Variants in LRTM3 observed in about 807,000 individuals in gnomAD.
LRTM3 encodes the protein leucine-rich repeat transmembrane protein 3.
the LRTM3 span, chr13:102,735,250 C>G: frequency 1.9e-6 from 3 of 1,551,130 alleles, no homozygotes; most frequent in Non-Finnish European, 8.7e-7. Context: ...TGGTCATATC[C>G]GCAACTTTTT....
the LRTM3 span, chr13:102,738,699 A>T: frequency 6.4e-7 from 1 of 1,550,692 alleles, no homozygotes; most frequent in Non-Finnish European, 8.7e-7. Flanking sequence ...TGTGAAAAAG[A>T]GGATCTCATT....
chr13:102,735,537 C>T, the LRTM3 span: 1 of 1,550,638 alleles, frequency 6.4e-7, no homozygotes, highest in African/African-American at 1.4e-5. Context: ...CTCTTTTGTT[C>T]TTTACTTTTC....
chr13:102,729,878 C>G, the LRTM3 span: 1 of 1,551,962 alleles, frequency 6.4e-7, no homozygotes, highest in Non-Finnish European at 8.7e-7. Flanking sequence ...TCTTTCTTGG[C>G]TTTCTGGGTG....
chr13:102,756,691 A>C, the LRTM3 span, among the ~76,000 whole-genome samples: 5 of 103,326 alleles, frequency 4.8e-5, no homozygotes, highest in East Asian at 1.1e-3. Context: ...AAAAAAAAAA[A>C]AAAACAAAAA....
At chr13:102,755,955 ATATATAT>A in the LRTM3 span, among the ~76,000 whole-genome samples, 2 of 102,000 alleles carry the variant, frequency 2.0e-5, no homozygotes, top group African/African-American at 9.1e-5. Flanking sequence ...ATATATATAT[ATATATAT>A]TTTTTTTTTT....
the LRTM3 span, chr13:102,738,701 G>A: frequency 7.7e-6 from 12 of 1,550,550 alleles, no homozygotes; most frequent in African/African-American, 1.4e-5. Context: ...TGAAAAAGAG[G>A]ATCTCATTTT....
At chr13:102,735,856 AG>A in the LRTM3 span, 1 of 1,541,772 alleles carries the variant, frequency 6.5e-7, no homozygotes, top group South Asian at 1.2e-5. Context: ...ATGGAGGAGG[AG>A]GGAATGAAGC....
the LRTM3 span, chr13:102,737,853 A>G: frequency 1.9e-6 from 3 of 1,550,574 alleles, no homozygotes; most frequent in Admixed American, 2.0e-5. Flanking sequence ...CTTGTGTCCA[A>G]TATATAATGG....
the LRTM3 span, chr13:102,747,831 G>A: frequency 6.4e-7 from 1 of 1,551,240 alleles, no homozygotes; most frequent in Non-Finnish European, 8.7e-7. Context: ...TGGACTTCTT[G>A]CTCTTTATTT....
the LRTM3 span, chr13:102,744,037 CATT>C: frequency 5.8e-6 from 9 of 1,550,450 alleles, no homozygotes; most frequent in South Asian, 9.5e-5. Flanking sequence ...GTTTATCAAT[CATT>C]GATTTGGATG....
chr13:102,737,206 G>A, the LRTM3 span: 57 of 1,550,742 alleles, frequency 3.7e-5, no homozygotes, highest in Non-Finnish European at 4.5e-5. Context: ...TCTGTGGCTT[G>A]TATTCTTGTA....
At chr13:102,731,023 C>T in the LRTM3 span, 1 of 1,551,426 alleles carries the variant, frequency 6.4e-7, no homozygotes, top group Non-Finnish European at 8.7e-7. Context: ...TTTGTATCTC[C>T]AATGTTTTCA....
chr13:102,737,236 G>A, the LRTM3 span: 32 of 1,550,850 alleles, frequency 2.1e-5, no homozygotes, highest in Non-Finnish European at 2.4e-5. Flanking sequence ...CATCATTTGA[G>A]CTATCCACCC....
At chr13:102,733,802 A>T in the LRTM3 span, 1 of 1,551,404 alleles carries the variant, frequency 6.4e-7, no homozygotes, top group Non-Finnish European at 8.7e-7. Context: ...CTGGACGCTG[A>T]TCATGAAGTT....
At chr13:102,735,049 A>T in the LRTM3 span, 1 of 1,551,244 alleles carries the variant, frequency 6.4e-7, no homozygotes, top group Non-Finnish European at 8.7e-7. Flanking sequence ...GAAACCCTGT[A>T]TTCACATTAA....
the LRTM3 span, chr13:102,745,221 C>T: frequency 6.4e-7 from 1 of 1,550,928 alleles, no homozygotes; most frequent in Non-Finnish European, 8.7e-7. Flanking sequence ...TGTGGAATTA[C>T]TTTTAACAAT....
chr13:102,747,801 G>A, the LRTM3 span: 3 of 1,551,148 alleles, frequency 1.9e-6, no homozygotes, highest in Non-Finnish European at 2.6e-6. Flanking sequence ...AAAATAGTTT[G>A]TGTAGAAAGA....
the LRTM3 span, chr13:102,742,609 T>C: frequency 1.3e-6 from 2 of 1,550,670 alleles, no homozygotes; most frequent in Non-Finnish European, 1.7e-6. Context: ...TCTTCTGGGC[T>C]TTAAAGTTCT....
chr13:102,730,764 T>C, the LRTM3 span: 3 of 1,551,692 alleles, frequency 1.9e-6, no homozygotes, highest in South Asian at 1.2e-5. Context: ...TTTAACTTAC[T>C]ATGTTTGGGA....
Sources: allele counts gnomAD v4.1 joint callset (sites outside exome capture counted in the v4.1 genomes callset), GRCh38; gene constraint gnomAD v4.1.1; transcripts MANE v1.5; gene names NCBI Gene and HGNC (gene_info 2026-07-23, HGNC 2026-07-21).